Variants in PPM1D observed in about 807,000 individuals in gnomAD.
The protein encoded by PPM1D is protein phosphatase, Mg2+/Mn2+ dependent 1D, also known as protein phosphatase 1D.
In PPM1D, 52 loss-of-function variants were observed where a neutral mutation model predicts 58.3. The ratio of observed to expected loss-of-function variants is 0.89; its 90% CI spans 0.71 to 1.12. PPM1D has a LOEUF of 1.12. Ranked by LOEUF, PPM1D falls within the 50% of genes most tolerant of loss-of-function variation. The probability of loss-of-function intolerance (pLI) is 0.00; values close to 1 mark genes in which losing one functional copy is unlikely to be tolerated. For synonymous variants in PPM1D, 278 were observed against 285.1 expected (o/e 0.98, Z 0.25); for missense variants, 564 against 777.2 (o/e 0.73, Z 3.26).
intron 1 of PPM1D, among the ~76,000 whole-genome samples, chr17:60,605,411 T>G: frequency 6.6e-6 from 1 of 152,200 alleles, no homozygotes; most frequent in Non-Finnish European, 1.5e-5. Context: ...CTTGAGGTCT[T>G]TGGGGCCAGA....
At position 60,663,347 on chromosome 17, in the gene PPM1D, T is replaced by G. The variant is rs1472771813; in HGVS notation, c.1613T>G (p.Leu538Ter). 3 of 1,614,120 alleles carry G rather than the reference T, an allele frequency of 1.9e-6. No homozygotes were observed. Among genetic ancestry groups the G allele is most frequent in the Non-Finnish European group, 2.5e-6 (3 of 1,180,022 alleles). The change falls in exon 6 of 6, where the codon TTA (leucine) becomes TGA (stop). Residue 538 changes from leucine to a stop codon, truncating the protein, a stop_gained. Transcript: ENST00000305921. LOFTEE classifies it high-confidence loss of function. ...RTPPTNFKRT[L>*]EESNSGPLMK... ...CCTCCAACAAACTTTAAAAGGACAT[T>G]AGAAGAGTCCAATTCTGGCCCCCTG...
At chr17:60,639,507 G>A (rs2031092996) in intron 3 of PPM1D, among the ~76,000 whole-genome samples, 3 of 151,794 alleles carry the variant, frequency 2.0e-5, no homozygotes, top group Admixed American at 2.0e-4. Flanking sequence ...GCACGATCTC[G>A]GCTCATTGCA....
chr17:60,660,451 A>G (rs547511929), intron 5 of PPM1D, among the ~76,000 whole-genome samples: 13 of 152,288 alleles, frequency 8.5e-5, no homozygotes, highest in Admixed American at 5.9e-4. Context: ...AAGTCTATAT[A>G]TATATGTGTT....
chr17:60,600,642 C>G lies in PPM1D; in HGVS notation c.228C>G (p.Arg76=). ...KGPAVAAREA[R]DPLPDAGASP... is the part of the protein sequence containing the mutation. ...CAGCGGTGGCAGCCCGAGAGGCTCG[C>G]GACCCTCTCCCGGACGCCGGGGCCT... is the stretch of plus-strand genomic sequence containing the variant. The change falls in exon 1 of 6, where the codon CGC becomes CGG. Residue 76 remains arginine (R), a synonymous_variant. Coordinates refer to ENST00000305921, the MANE Select transcript of PPM1D (RefSeq NM_003620.4). 6.4e-7 allele frequency: 1 copy of G among 1,551,874 alleles called. No homozygotes were observed.
At chr17:60,628,326 T>C (rs1441020004) in intron 2 of PPM1D, among the ~76,000 whole-genome samples, 1 of 152,202 alleles carries the variant, frequency 6.6e-6, no homozygotes, top group Non-Finnish European at 1.5e-5. Flanking sequence ...GTGTTTGTTA[T>C]AATCAATCAG....
intron 2 of PPM1D, among the ~76,000 whole-genome samples, chr17:60,626,857 A>AT (rs969913643): frequency 2.6e-5 from 4 of 152,104 alleles, no homozygotes; most frequent in Non-Finnish European, 4.4e-5. Flanking sequence ...TAATGTTTTA[A>AT]TTTGAATTTA....
chr17:60,662,654 T>C (rs1415237856), intron 5 of PPM1D, among the ~76,000 whole-genome samples: 1 of 152,224 alleles, frequency 6.6e-6, no homozygotes, highest in East Asian at 1.9e-4. Context: ...TTTTGAAATC[T>C]TGTTCCTTAA....
At chr17:60,643,594 T>G (rs992182552) in intron 3 of PPM1D, among the ~76,000 whole-genome samples, 1 of 152,012 alleles carries the variant, frequency 6.6e-6, no homozygotes, top group Non-Finnish European at 1.5e-5. Context: ...AGCCTCAAAC[T>G]TTCACCCTAC....
intron 2 of PPM1D, among the ~76,000 whole-genome samples, chr17:60,630,649 T>C (rs976298877): frequency 2.2e-4 from 33 of 152,246 alleles, no homozygotes; most frequent in African/African-American, 8.0e-4. Context: ...CTTTGGTTTT[T>C]TGTTACTAGA....
At chr17:60,661,519 A>G (rs1177005418) in intron 5 of PPM1D, among the ~76,000 whole-genome samples, 5 of 152,178 alleles carry the variant, frequency 3.3e-5, no homozygotes. Flanking sequence ...GTGAGCGGCT[A>G]TTCTGAGTAT....
chr17:60,628,315 A>T (rs1196240458), intron 2 of PPM1D, among the ~76,000 whole-genome samples: 1 of 152,066 alleles, frequency 6.6e-6, no homozygotes, highest in Non-Finnish European at 1.5e-5. Context: ...CCTTCTCCAG[A>T]GTGTTTGTTA....
At chr17:60,616,274 C>T (rs984070711) in intron 1 of PPM1D, among the ~76,000 whole-genome samples, 8 of 123,574 alleles carry the variant, frequency 6.5e-5, no homozygotes, top group African/African-American at 2.6e-4. Context: ...GGCGACAGAG[C>T]AAGGCTCTGT....
At chr17:60,618,349 A>C (rs1275525403) in intron 1 of PPM1D, among the ~76,000 whole-genome samples, 1 of 152,226 alleles carries the variant, frequency 6.6e-6, no homozygotes, top group East Asian at 1.9e-4. Context: ...ACATATCTTT[A>C]CCTTTAATAA....
At position 60,603,950 on chromosome 17, in the gene PPM1D, C is replaced by G. The variant is rs74342187; in HGVS notation, c.472+3064C>G. On this transcript the variant is annotated intron_variant, in intron 1 of 5. Transcript: ENST00000305921. ...ACTAAAATGGTAGCTATTTTCCCCC[C>G]CAGAGAAAGGTGGAAGAAAAGTAGT... 7.2e-5 allele frequency among the ~76,000 whole-genome samples: 11 copies of G among 152,236 alleles called. No individual in the cohort carries two copies. In the East Asian group the frequency reaches 2.1e-3, roughly 29 times the overall value.
At chr17:60,614,767 A>G (rs1457917030) in intron 1 of PPM1D, among the ~76,000 whole-genome samples, 2 of 152,090 alleles carry the variant, frequency 1.3e-5, no homozygotes, top group African/African-American at 4.8e-5. Context: ...CGCAGCATTA[A>G]AAGCTGTAAC....
At chr17:60,604,929 G>A (rs1197039018) in intron 1 of PPM1D, among the ~76,000 whole-genome samples, 31 of 152,080 alleles carry the variant, frequency 2.0e-4, no homozygotes, top group Admixed American at 2.0e-3. Flanking sequence ...AGCGATTCTC[G>A]TGCCTCAGCC....
At chr17:60,603,578 C>G (rs569536945) in intron 1 of PPM1D, among the ~76,000 whole-genome samples, 1 of 152,180 alleles carries the variant, frequency 6.6e-6, no homozygotes, top group African/African-American at 2.4e-5. Context: ...GCCTGGCCAA[C>G]ATGGTGAAAC....
intron 4 of PPM1D, among the ~76,000 whole-genome samples, chr17:60,652,801 A>G (rs1423244799): frequency 6.6e-6 from 1 of 151,842 alleles, no homozygotes; most frequent in Non-Finnish European, 1.5e-5. Flanking sequence ...AATCATTTGT[A>G]TGTCTTTTGA....
intron 3 of PPM1D, among the ~76,000 whole-genome samples, chr17:60,644,590 T>C (rs1205847813): frequency 6.6e-6 from 1 of 152,236 alleles, no homozygotes; most frequent in Non-Finnish European, 1.5e-5. Context: ...GAGATAAATG[T>C]TGAAGTATTA....
Sources: gnomAD v4.1 joint callset for allele counts (sites outside exome capture counted in the v4.1 genomes callset) on GRCh38, gnomAD v4.1.1 for gene constraint, MANE v1.5 for transcripts, NCBI Gene and HGNC (gene_info 2026-07-23, HGNC 2026-07-21) for gene names.